Variants in GPHN observed in about 807,000 individuals in gnomAD.
GPHN encodes the protein gephyrin.
GPHN carries 17 observed loss-of-function variants against 95.5 expected under a neutral mutation model. The observed-to-expected ratio is 0.18, with a 90% CI of 0.12 to 0.27. The LOEUF is 0.27. Ranked by LOEUF, GPHN falls within the 10% of genes least tolerant of loss-of-function variation. The probability of loss-of-function intolerance (pLI) is 1.00; values close to 1 mark genes in which losing one functional copy is unlikely to be tolerated. For missense variants in GPHN, 660 were observed against 978.1 expected, an observed-to-expected ratio of 0.67 and a Z score of 4.34; for synonymous variants, 320 against 322.5, an observed-to-expected ratio of 0.99 and a Z score of 0.08.
At chr14:66,929,267 T>A (rs2066653416) in intron 8 of GPHN, among the ~76,000 whole-genome samples, 1 of 152,006 alleles carries the variant, frequency 6.6e-6, no homozygotes, top group African/African-American at 2.4e-5. Flanking sequence ...TTGGCCAGGC[T>A]GATCTCGAAC....
At chr14:67,648,785 A>G in the GPHN span, 2 of 152,214 alleles carry the variant, frequency 1.3e-5, no homozygotes, top group African/African-American at 4.8e-5. Context: ...AACAGTTTCC[A>G]TTTCTGTCAG....
chr14:67,723,789 G>A, the GPHN span, among the ~76,000 whole-genome samples: 74 of 152,346 alleles, frequency 4.9e-4, no homozygotes, highest in African/African-American at 1.7e-3. Flanking sequence ...TGTTAGTTCT[G>A]CCCCTCCGTA....
intron 1 of GPHN, among the ~76,000 whole-genome samples, chr14:66,530,203 G>A (rs1416574073): frequency 6.6e-6 from 1 of 152,144 alleles, no homozygotes; most frequent in Non-Finnish European, 1.5e-5. Context: ...GAGCTGCAGA[G>A]GGTTCCGACG....
intron 5 of GPHN, among the ~76,000 whole-genome samples, chr14:66,907,295 A>C (rs1356129471): frequency 6.6e-6 from 1 of 152,218 alleles, no homozygotes; most frequent in Non-Finnish European, 1.5e-5. Flanking sequence ...CCTTACATGC[A>C]TATTGCTGAG....
At chr14:67,538,903 G>A in the GPHN span, among the ~76,000 whole-genome samples, 2 of 152,166 alleles carry the variant, frequency 1.3e-5, no homozygotes, top group African/African-American at 2.4e-5. Context: ...AGACACCAGT[G>A]ACATATTTCC....
rs570414103 is a variant in GPHN, at chr14:67,052,330, A to G, written c.1007-6319A>G. Among the ~76,000 whole-genome samples, 346 of 151,554 alleles carry G rather than the reference A, an allele frequency of 2.3e-3. 3 individuals are homozygous for G. The highest frequency in any genetic ancestry group is 7.9e-3 in the African/African-American group (325 of 41,256). The stretch of plus-strand genomic sequence containing the variant: ...CTAGTGTTAAAGTCTTACAAAACAG[A>G]CATTAAACCAAAAAAAAAAAAAGAT... On this transcript the variant is annotated intron_variant, in intron 10 of 22. Coordinates refer to ENST00000478722, the MANE Select transcript of GPHN (RefSeq NM_020806.5).
chr14:66,552,319 T>A (rs2059843221), intron 1 of GPHN, among the ~76,000 whole-genome samples: 1 of 152,236 alleles, frequency 6.6e-6, no homozygotes, highest in Non-Finnish European at 1.5e-5. Flanking sequence ...ATTTCCAATG[T>A]AAGACCTTAC....
chr14:66,754,032 A>G (rs1169837572), intron 2 of GPHN, among the ~76,000 whole-genome samples: 3 of 152,058 alleles, frequency 2.0e-5, no homozygotes, highest in Non-Finnish European at 4.4e-5. Context: ...ATATTGAAGC[A>G]TGTTTTAGTA....
the GPHN span, among the ~76,000 whole-genome samples, chr14:67,609,080 A>G: frequency 6.6e-6 from 1 of 152,042 alleles, no homozygotes; most frequent in Non-Finnish European, 1.5e-5. Flanking sequence ...GGAACTTCCC[A>G]CCAACCAGCT....
At chr14:66,538,781 G>GTT (rs11390341) in intron 1 of GPHN, among the ~76,000 whole-genome samples, 10,321 of 130,112 alleles carry the variant, frequency 0.079, 816 homozygotes, top group African/African-American at 0.2. Context: ...ATTTTTTCTT[G>GTT]TTTTTTTTTT....
the GPHN span, chr14:67,336,256 A>G: frequency 1.3e-5 from 2 of 152,952 alleles, no homozygotes; most frequent in Admixed American, 6.5e-5. Flanking sequence ...TAAATCATAC[A>G]CCAACAAACA....
chr14:67,728,657 C>T, the GPHN span, among the ~76,000 whole-genome samples: 1 of 149,266 alleles, frequency 6.7e-6, no homozygotes, highest in Non-Finnish European at 1.5e-5. Flanking sequence ...ATGGCCCTGG[C>T]ACATAATTGG....
chr14:67,571,402 G>A, the GPHN span: 8 of 217,408 alleles, frequency 3.7e-5, no homozygotes, highest in Middle Eastern at 1.8e-3. Context: ...TGATTGTTGC[G>A]ACGTCCCCAC....
At chr14:66,845,864 TGTGCGTGC>T (rs1257946141) in intron 4 of GPHN, among the ~76,000 whole-genome samples, 2 of 151,536 alleles carry the variant, frequency 1.3e-5, no homozygotes, top group African/African-American at 4.8e-5. Flanking sequence ...TGTGTGTCTG[TGTGCGTGC>T]GCACACGTGA....
the GPHN span, among the ~76,000 whole-genome samples, chr14:67,531,356 G>A: frequency 6.6e-6 from 1 of 152,104 alleles, no homozygotes; most frequent in Admixed American, 6.5e-5. Context: ...AGACATAACT[G>A]AAACTCAAGC....
chr14:66,631,382 C>T (rs1057359613), intron 1 of GPHN, among the ~76,000 whole-genome samples: 7 of 152,130 alleles, frequency 4.6e-5, no homozygotes, highest in Admixed American at 1.3e-4. Context: ...TTTATTTTAG[C>T]TCAAAACAAA....
At chr14:67,153,065 C>A (rs998096437) in intron 18 of GPHN, among the ~76,000 whole-genome samples, 1 of 152,144 alleles carries the variant, frequency 6.6e-6, no homozygotes, top group Non-Finnish European at 1.5e-5. Flanking sequence ...CTTTCAGAGG[C>A]CAAGGCGGGC....
intron 18 of GPHN, among the ~76,000 whole-genome samples, chr14:67,143,788 C>G (rs1230541629): frequency 6.6e-6 from 1 of 152,060 alleles, no homozygotes; most frequent in Non-Finnish European, 1.5e-5. Context: ...ATCCTTCCTT[C>G]TACTCAAATT....
At chr14:67,060,635 A>C (rs1207212744) in intron 11 of GPHN, among the ~76,000 whole-genome samples, 1 of 152,236 alleles carries the variant, frequency 6.6e-6, no homozygotes, top group Non-Finnish European at 1.5e-5. Context: ...TGCCCCATGG[A>C]TTTCATAGGC....
Sources: gnomAD v4.1 joint callset for allele counts (sites outside exome capture counted in the v4.1 genomes callset) on GRCh38, gnomAD v4.1.1 for gene constraint, MANE v1.5 for transcripts, NCBI Gene and HGNC (gene_info 2026-07-23, HGNC 2026-07-21) for gene names.